The following SETDB2 variants were observed in gnomAD, a reference collection of about 807,000 sequenced individuals.
The protein encoded by SETDB2 is histone-lysine N-methyltransferase SETDB2.
Under a neutral mutation model 82.5 loss-of-function variants are expected in SETDB2, and 56 were observed. The ratio of observed to expected loss-of-function variants is 0.68; its 90% CI spans 0.55 to 0.85. SETDB2 has a LOEUF of 0.85. Ranked by LOEUF, SETDB2 falls within the 40% of genes least tolerant of loss-of-function variation. The pLI, the probability that SETDB2 is intolerant of heterozygous loss-of-function variation, is 0.00. For missense variants in SETDB2, 677 were observed against 816.4 expected (o/e 0.83, Z 2.08); for synonymous variants, 272 against 284.9 (o/e 0.95, Z 0.46).
chr13:49,491,021 G>C, intron 13 of SETDB2, 111 bp downstream of exon 13: 1 of 758,858 alleles, frequency 1.3e-6, no homozygotes, highest in Non-Finnish European at 2.1e-6. Context: ...GGGAGGCCAA[G>C]GTGGGGAGAC....
At chr13:49,479,014 G>A (rs1958425756) in intron 6 of SETDB2, among the ~76,000 whole-genome samples, 1 of 152,142 alleles carries the variant, frequency 6.6e-6, no homozygotes, top group African/African-American at 2.4e-5. Context: ...TTTGTATATA[G>A]CATGGATGGG....
intron 1 of SETDB2, among the ~76,000 whole-genome samples, chr13:49,447,236 G>C (rs1438207932): frequency 6.6e-6 from 1 of 152,056 alleles, no homozygotes; most frequent in Non-Finnish European, 1.5e-5. Flanking sequence ...GGTGTGTATG[G>C]TTAATTATGC....
intron 4 of SETDB2, among the ~76,000 whole-genome samples, chr13:49,462,253 T>C (rs1207177472): frequency 6.6e-6 from 1 of 152,214 alleles, no homozygotes; most frequent in Non-Finnish European, 1.5e-5. Context: ...TGCGAACTCA[T>C]TAACCATGCC....
intron 1 of SETDB2, chr13:49,446,552 A>AT (rs2138794060): frequency 2.9e-6 from 1 of 340,094 alleles, no homozygotes; most frequent in Admixed American, 4.3e-5. Context: ...AAAATACTAT[A>AT]CTACATCATT....
intron 6 of SETDB2, among the ~76,000 whole-genome samples, chr13:49,479,052 A>C (rs1005988078): frequency 6.6e-6 from 1 of 152,248 alleles, no homozygotes; most frequent in Non-Finnish European, 1.5e-5. Flanking sequence ...TGAACAACAA[A>C]AAAAGCAAGT....
chr13:49,480,973 A>G lies in SETDB2; in HGVS notation c.1013A>G (p.Lys338Arg). 3.1e-6 allele frequency: 5 copies of G among 1,614,128 alleles called. No homozygotes were observed. Among genetic ancestry groups the G allele is most frequent in the Non-Finnish European group, 4.2e-6 (5 of 1,179,980 alleles). ...TGIYECSLLCKCNRQLCQNRV... is the reference protein window; with the variant it reads ...TGIYECSLLCRCNRQLCQNRV... ...ATTTATGAATGCAGCCTTTTGTGCAAATGTAATCGACAATTGTGTCAAAAC... is the reference window on the plus strand; with the variant it reads ...ATTTATGAATGCAGCCTTTTGTGCAGATGTAATCGACAATTGTGTCAAAAC... Residue 338 changes from lysine (K) to arginine (R), a missense_variant, in exon 8 of 14, where the codon AAA (lysine) becomes AGA (arginine). Lys to Arg is a conservative substitution (Grantham distance 26, BLOSUM62 2). Transcript: ENST00000611815.
chr13:49,483,197 A>G (rs1350415153), intron 9 of SETDB2, among the ~76,000 whole-genome samples: 1 of 152,084 alleles, frequency 6.6e-6, no homozygotes, highest in East Asian at 1.9e-4. Flanking sequence ...TTTTTTATGG[A>G]TGTCATAAGT....
At chr13:49,491,022 G>T in intron 13 of SETDB2, 112 bp downstream of exon 13, 2 of 722,478 alleles carry the variant, frequency 2.8e-6, no homozygotes, top group South Asian at 2.0e-5. Flanking sequence ...GGAGGCCAAG[G>T]TGGGGAGACT....
Position 49,467,937 on chromosome 13 carries a change from C to G in SETDB2, c.282C>G (p.Ser94=). Residue 94 remains serine (S), a synonymous_variant, in exon 5 of 14, where the codon TCC becomes TCG. Transcript: ENST00000611815. ...TTCCCTCTACATCATGTGAAAACTC[C>G]TTTCCAGAAGACTGTACATTTCTGT... is the stretch of plus-strand genomic sequence containing the variant. ...NAFPSTSCEN[S]FPEDCTFLTT... The G allele has an allele frequency of 6.2e-7, 1 of 1,608,784 alleles. No individual in the cohort carries two copies. Among genetic ancestry groups the G allele is most frequent in the Non-Finnish European group, 8.5e-7 (1 of 1,177,862 alleles).
rs747280666 is a variant in SETDB2 at position 49,451,882 on chromosome 13, C to G, written c.-12C>G. The stretch of plus-strand genomic sequence containing the variant: ...TTTTGAAGCATTTTATATTTATAAG[C>G]GACATCAAAAGATGGGAGAAAAAAA... On this transcript the variant is annotated 5_prime_UTR_variant, in exon 2 of 14. Coordinates refer to ENST00000611815, the MANE Select transcript of SETDB2 (RefSeq NM_001160308.3). The G allele has an allele frequency of 3.1e-6, 5 of 1,591,190 alleles. No individual in the cohort carries two copies. In the East Asian group the frequency reaches 6.8e-5, roughly 22 times the overall value.
chr13:49,446,298 A>G (rs1957685220), intron 1 of SETDB2: 1 of 444,056 alleles, frequency 2.3e-6, no homozygotes, highest in South Asian at 1.6e-5. Context: ...TTGCGTGTCA[A>G]GGTTATACTT....
intron 1 of SETDB2, among the ~76,000 whole-genome samples, chr13:49,448,590 A>G (rs528229287): frequency 1.9e-4 from 29 of 152,228 alleles, no homozygotes; most frequent in African/African-American, 6.5e-4. Flanking sequence ...CGCAGGTAGT[A>G]TGGGGTGGGG....
rs764028274 is a variant in SETDB2 at position 49,491,955 on chromosome 13, G to C, written c.*106G>C. The stretch of plus-strand genomic sequence containing the variant: ...AGGAAATTCCCCTCCGTTTTCCTTT[G>C]TCATGGGGTTTATGTTTTATTTCAG... On this transcript the variant is annotated 3_prime_UTR_variant, in exon 14 of 14. Transcript: ENST00000611815. 8.8e-6 allele frequency: 7 copies of C among 797,738 alleles called. No homozygotes were observed. Among genetic ancestry groups the C allele is most frequent in the Non-Finnish European group, 1.5e-5 (7 of 452,776 alleles). 49.4% of individuals were successfully genotyped at this position (797,738 alleles called of 1,614,324 possible). A position where few individuals can be genotyped will look rare whatever the true frequency, so the allele number is the denominator to read the frequency against.
chr13:49,492,283 T>C lies in SETDB2; in HGVS notation c.*434T>C, dbSNP rs1958728122. ...TTGATTTTTAATTCCTGGCAAATAA[T>C]TTACCATTATGAGCTACAAGGTGGG... On this transcript the variant is annotated 3_prime_UTR_variant, in exon 14 of 14. Coordinates refer to ENST00000611815, the MANE Select transcript of SETDB2 (RefSeq NM_001160308.3). The C allele has an allele frequency of 5.6e-6, 1 of 179,984 alleles. No homozygotes were observed. The highest frequency in any genetic ancestry group is 5.6e-5 in the Admixed American group (1 of 17,776). 11.1% of individuals were successfully genotyped at this position (179,984 alleles called of 1,614,324 possible). A position where few individuals can be genotyped will look rare whatever the true frequency, so the allele number is the denominator to read the frequency against.
chr13:49,455,856 G>C (rs1309563309), intron 2 of SETDB2, among the ~76,000 whole-genome samples: 2 of 151,918 alleles, frequency 1.3e-5, no homozygotes, highest in Non-Finnish European at 2.9e-5. Flanking sequence ...GACAGCCATT[G>C]TACTATAATG....
chr13:49,477,596 A>T (rs1958394527), intron 6 of SETDB2, among the ~76,000 whole-genome samples: 1 of 152,254 alleles, frequency 6.6e-6, no homozygotes, highest in Non-Finnish European at 1.5e-5. Flanking sequence ...ACATTAAAAG[A>T]TAATCAATGG....
chr13:49,474,945 C>T (rs1055947332), intron 5 of SETDB2, among the ~76,000 whole-genome samples: 9 of 152,224 alleles, frequency 5.9e-5, no homozygotes, highest in African/African-American at 2.2e-4. Context: ...CAGGTATAGA[C>T]CATTTCTATC....
chr13:49,456,659 G>A (rs1409460432), intron 2 of SETDB2, among the ~76,000 whole-genome samples: 4 of 152,150 alleles, frequency 2.6e-5, no homozygotes, highest in Non-Finnish European at 4.4e-5. Flanking sequence ...ATACAATGCC[G>A]AAAGAAGTGA....
intron 5 of SETDB2, among the ~76,000 whole-genome samples, chr13:49,471,540 A>G (rs1958242055): frequency 6.6e-6 from 1 of 151,664 alleles, no homozygotes; most frequent in South Asian, 2.1e-4. Flanking sequence ...TTTGGTTAGC[A>G]TACTGGGTGA....
Sources: allele counts gnomAD v4.1 joint callset (sites outside exome capture counted in the v4.1 genomes callset), GRCh38; gene constraint gnomAD v4.1.1; transcripts MANE v1.5; gene names NCBI Gene and HGNC (gene_info 2026-07-23, HGNC 2026-07-21).